Variants in TIAM1 observed in about 807,000 individuals in gnomAD.
TIAM1 encodes rho guanine nucleotide exchange factor TIAM1.
In TIAM1, 65 loss-of-function variants were observed where a neutral mutation model predicts 163.5. The ratio of observed to expected loss-of-function variants is 0.40; its 90% CI spans 0.33 to 0.49. TIAM1 has a LOEUF of 0.49. Among genes scored for constraint, TIAM1 ranks in the 20% least tolerant of loss-of-function variants. The pLI is 0.77. For synonymous variants in TIAM1, 833 were observed against 810.1 expected, an observed-to-expected ratio of 1.03 and a Z score of -0.48; for missense variants, 1,789 against 2,044.7, an observed-to-expected ratio of 0.87 and a Z score of 2.41.
At chr21:31,226,188 A>G (rs1403720856) in intron 6 of TIAM1, among the ~76,000 whole-genome samples, 1 of 152,188 alleles carries the variant, frequency 6.6e-6, no homozygotes, top group African/African-American at 2.4e-5. Flanking sequence ...TGAAGCCACC[A>G]TGTCTGCTCA....
At position 31,223,564 on chromosome 21, in the gene TIAM1, G is replaced by C. The variant is rs766748368; in HGVS notation, c.1837C>G (p.Gln613Glu). 14 of 1,598,682 alleles carry C rather than the reference G, an allele frequency of 8.8e-6. No individual in the cohort carries two copies. The African/African-American group carries it at 1.6e-4, about 18-fold the overall frequency. ...AAACGAAACAGGTCCATTTGGAACT[G>C]CTCGAGATTTTGCTCCCAGACAAAG... ...QIFVWEQNLEQFQMDLFRFRC... is the reference protein window; with the variant it reads ...QIFVWEQNLEEFQMDLFRFRC... Residue 613 changes from glutamine (Q) to glutamate (E), a missense_variant, in exon 8 of 28, where the codon CAG becomes GAG. This residue lies in a region of TIAM1 where 456 missense variants were observed against 586.6 expected (regional missense o/e 0.78). Transcript: ENST00000541036.
chr21:31,516,223 C>A (rs914639969), intron 1 of TIAM1, among the ~76,000 whole-genome samples: 1 of 151,478 alleles, frequency 6.6e-6, no homozygotes, highest in African/African-American at 2.4e-5. Context: ...ACCAGCCTGG[C>A]CAACATGGTG....
chr21:31,498,918 C>T (rs2046756073), intron 1 of TIAM1, among the ~76,000 whole-genome samples: 1 of 149,084 alleles, frequency 6.7e-6, no homozygotes, highest in Admixed American at 6.7e-5. Context: ...TGCACTCCAG[C>T]CTGGGCTACA....
chr21:31,443,190 G>A (rs1277676668), intron 2 of TIAM1, among the ~76,000 whole-genome samples: 2 of 152,202 alleles, frequency 1.3e-5, no homozygotes, highest in Admixed American at 1.3e-4. Context: ...CCCAACATGG[G>A]ACAAGGCCAG....
intron 1 of TIAM1, among the ~76,000 whole-genome samples, chr21:31,550,128 GA>G (rs531209271): frequency 0.014 from 1,561 of 108,036 alleles, 14 homozygotes; most frequent in Non-Finnish European, 0.021. Context: ...CGTCTCAAAA[GA>G]AAAAAAAAAA....
chr21:31,543,457 C>A (rs1337938483), intron 1 of TIAM1, among the ~76,000 whole-genome samples: 1 of 152,086 alleles, frequency 6.6e-6, no homozygotes, highest in Non-Finnish European at 1.5e-5. Context: ...TAAGAGTTTG[C>A]GGTCTGGCAA....
chr21:31,217,017 G>A (rs2087253756), intron 9 of TIAM1, among the ~76,000 whole-genome samples: 1 of 152,058 alleles, frequency 6.6e-6, no homozygotes, highest in African/African-American at 2.4e-5. Flanking sequence ...GACCAGCCTG[G>A]CTAATATGGT....
intron 2 of TIAM1, among the ~76,000 whole-genome samples, chr21:31,292,834 A>C (rs186219010): frequency 6.6e-6 from 1 of 151,592 alleles, no homozygotes; most frequent in Non-Finnish European, 1.5e-5. Context: ...ACGCCTGGCT[A>C]ATTTTTGTAT....
chr21:31,222,672 C>A (rs2087628781), intron 8 of TIAM1, among the ~76,000 whole-genome samples: 1 of 78,108 alleles, frequency 1.3e-5, no homozygotes, highest in African/African-American at 5.8e-5. Context: ...TACATGTACA[C>A]ATACATATAT....
rs2073316523 is a variant in TIAM1 at position 31,276,725 on chromosome 21, A to T, written c.-12+7T>A. The stretch of plus-strand genomic sequence containing the variant: ...ATATAGGCTCAAATATACATATGCA[A>T]ACCTACCTTAAAAGGCAACAGTGGT... On this transcript the variant is annotated splice_region_variant and intron_variant, in intron 3 of 27. Coordinates refer to ENST00000541036, the MANE Select transcript of TIAM1 (RefSeq NM_001353694.2). 1 of 152,216 alleles carries T rather than the reference A, an allele frequency of 6.6e-6. No individual in the cohort carries two copies. The highest frequency in any genetic ancestry group is 2.4e-5 in the African/African-American group (1 of 41,458). The allele number at this position is 152,216 out of a possible 1,614,324, so 9.4% of individuals were successfully genotyped here. A position where few individuals can be genotyped will look rare whatever the true frequency, so the allele number is the denominator to read the frequency against.
At chr21:31,230,977 A>G (rs1297210961) in intron 6 of TIAM1, among the ~76,000 whole-genome samples, 2 of 152,174 alleles carry the variant, frequency 1.3e-5, no homozygotes, top group South Asian at 4.1e-4. Context: ...AGCTCTTCTC[A>G]TTCTAGGAAT....
intron 2 of TIAM1, among the ~76,000 whole-genome samples, chr21:31,318,924 C>T (rs965997476): frequency 1.3e-5 from 2 of 152,144 alleles, no homozygotes; most frequent in Admixed American, 6.5e-5. Flanking sequence ...AGTGCAGTAG[C>T]GCAATCACAG....
intron 2 of TIAM1, among the ~76,000 whole-genome samples, chr21:31,329,882 A>C (rs1474426407): frequency 6.6e-6 from 1 of 152,170 alleles, no homozygotes; most frequent in African/African-American, 2.4e-5. Flanking sequence ...TCATAATACC[A>C]TTTTATAGAG....
chr21:31,229,797 C>A (rs945154588), intron 6 of TIAM1, among the ~76,000 whole-genome samples: 8 of 152,140 alleles, frequency 5.3e-5, no homozygotes, highest in South Asian at 4.1e-4. Flanking sequence ...GAATTACAGG[C>A]ACCTGCCACC....
chr21:31,125,555 T>A (rs2082165160), intron 26 of TIAM1, among the ~76,000 whole-genome samples: 1 of 152,196 alleles, frequency 6.6e-6, no homozygotes, highest in Non-Finnish European at 1.5e-5. Flanking sequence ...GGTTTTGAGG[T>A]TAAACCCACC....
intron 19 of TIAM1, among the ~76,000 whole-genome samples, chr21:31,151,990 ATTAAT>A (rs2083392842): frequency 6.7e-6 from 1 of 148,842 alleles, no homozygotes. Context: ...AACACGATAA[ATTAAT>A]TTGTTTACTG....
intron 20 of TIAM1, among the ~76,000 whole-genome samples, chr21:31,144,694 T>C (rs2083021257): frequency 6.6e-6 from 1 of 151,744 alleles, no homozygotes; most frequent in East Asian, 1.9e-4. Flanking sequence ...CTGGGCATGG[T>C]GGCGTGCACC....
At chr21:31,455,886 A>G (rs192406342) in intron 2 of TIAM1, among the ~76,000 whole-genome samples, 4 of 152,350 alleles carry the variant, frequency 2.6e-5, no homozygotes, top group African/African-American at 9.6e-5. Context: ...GGAAACCACT[A>G]AATGTGATGC....
At chr21:31,162,720 C>A (rs987534216) in intron 16 of TIAM1, among the ~76,000 whole-genome samples, 2 of 151,478 alleles carry the variant, frequency 1.3e-5, no homozygotes, top group African/African-American at 4.9e-5. Flanking sequence ...TGACTCACTG[C>A]AACCTCTGTC....
Sources: gnomAD v4.1 joint callset for allele counts (sites outside exome capture counted in the v4.1 genomes callset) on GRCh38, gnomAD v4.1.1 for gene constraint, gnomAD v4.1.1 regional missense constraint, MANE v1.5 for transcripts, NCBI Gene and HGNC (gene_info 2026-07-23, HGNC 2026-07-21) for gene names.